Variants in HMCN2 observed in about 807,000 individuals in gnomAD.
HMCN2 encodes hemicentin-2.
Under a neutral mutation model 377.5 loss-of-function variants are expected in HMCN2, and 325 were observed. That is an observed-to-expected ratio of 0.86 (90% CI 0.79 to 0.94). The LOEUF (loss-of-function observed/expected upper bound fraction) is 0.94, where lower values mean the gene tolerates loss of function less well. Ranked by LOEUF, HMCN2 falls within the 40% of genes least tolerant of loss-of-function variation. The pLI is 0.00. For synonymous variants in HMCN2, 2,007 were observed against 2,046.8 expected, an observed-to-expected ratio of 0.98 and a Z score of 0.53; for missense variants, 4,543 against 4,725.3, an observed-to-expected ratio of 0.96 and a Z score of 1.13.
rs913922965 is a variant in HMCN2 at position 130,414,840 on chromosome 9, C to G, written c.12962-3932C>G. ...ATGTTGCCTAAGCCAGTCTCAAACT[C>G]CTGGGCTCAAATGATCCACCTGCCT... is the stretch of plus-strand genomic sequence containing the variant. On this transcript the variant is annotated intron_variant, in intron 85 of 97. Coordinates refer to ENST00000683500, the MANE Select transcript of HMCN2 (RefSeq NM_001291815.2). This position sits in a 1 kb window ranked among gnomAD's most constrained non-coding sequence, Gnocchi z 4.4. Among the ~76,000 whole-genome samples, 9 of 152,096 alleles carry G rather than the reference C, an allele frequency of 5.9e-5. No individual in the cohort carries two copies. The highest frequency in any genetic ancestry group is 1.9e-4 in the African/African-American group (8 of 41,414).
At chr9:130,419,342 G>A in intron 86 of HMCN2, 1 of 274,414 alleles carries the variant, frequency 3.6e-6, no homozygotes, top group Non-Finnish European at 6.8e-6. Context: ...GGCAGAGGAA[G>A]ACAAGGGCAT....
chr9:130,371,182 C>A, intron 46 of HMCN2, 51 bp downstream of exon 46: 1 of 958,710 alleles, frequency 1.0e-6, no homozygotes, highest in Non-Finnish European at 1.2e-6. Flanking sequence ...GGCTCTCTGC[C>A]TCTGACTCTA....
At chr9:130,401,024 T>C in intron 77 of HMCN2, 77 bp downstream of exon 77, 1 of 1,188,480 alleles carries the variant, frequency 8.4e-7, no homozygotes, top group South Asian at 1.4e-5. Flanking sequence ...AAAGGTCACA[T>C]GGCGGAATAG....
intron 1 of HMCN2, among the ~76,000 whole-genome samples, chr9:130,281,889 CA>C (rs782176109): frequency 0.019 from 1,097 of 58,906 alleles, 3 homozygotes; most frequent in Middle Eastern, 0.053. Context: ...GACTCCATCT[CA>C]AAAAAAAAAA....
rs935936493 is a variant in HMCN2 at position 130,403,213 on chromosome 9, G to A, written c.11898G>A (p.Pro3966=). The A allele has an allele frequency of 5.4e-6, 7 of 1,289,422 alleles. No homozygotes were observed. In the Admixed American group the frequency reaches 9.2e-5, roughly 17 times the overall value. 79.9% of individuals were successfully genotyped at this position (1,289,422 alleles called of 1,614,324 possible). A position where few individuals can be genotyped will look rare whatever the true frequency, so the allele number is the denominator to read the frequency against. ...TTGTAGCCTCCCCGGTGGTGAAGCCGCTGCCCAGCGTGGTTCGGGCAGTGG... is the reference window on the plus strand; with the variant it reads ...TTGTAGCCTCCCCGGTGGTGAAGCCACTGCCCAGCGTGGTTCGGGCAGTGG... The part of the protein sequence containing the change: ...LTVQASPVVK[P]LPSVVRAVAE... The change falls in exon 79 of 98, where the codon CCG becomes CCA. Residue 3966 remains proline, a synonymous_variant. Transcript: ENST00000683500.
intron 22 of HMCN2, among the ~76,000 whole-genome samples, chr9:130,329,425 T>G (rs1045853134): frequency 1.3e-5 from 2 of 149,960 alleles, no homozygotes; most frequent in African/African-American, 4.9e-5. Flanking sequence ...TTTTGGTGGC[T>G]GTGAATAGCC....
Position 130,393,619 on chromosome 9 carries a change from G to A in HMCN2, c.10235-123G>A. On this transcript the variant is annotated intron_variant, in intron 67 of 97. Transcript: ENST00000683500. The surrounding 1 kb of genome is among the most constrained non-coding windows in gnomAD (Gnocchi z 5.2). ...GAGGATGCTGTGGGAGCACAGAGGA[G>A]GGCACCTCACCTGGCCTTGGGGGAC... 1.2e-6 allele frequency: 1 copy of A among 861,168 alleles called. No individual in the cohort carries two copies. The highest frequency in any genetic ancestry group is 1.5e-6 in the Non-Finnish European group (1 of 652,314). 53.3% of individuals were successfully genotyped at this position (861,168 alleles called of 1,614,324 possible). A position where few individuals can be genotyped will look rare whatever the true frequency, so the allele number is the denominator to read the frequency against.
At position 130,393,890 on chromosome 9, in the gene HMCN2, C is replaced by T. The variant is rs1039015192; in HGVS notation, c.10383C>T (p.Leu3461=). The change falls in exon 68 of 98, where the codon CTC becomes CTT. Residue 3461 remains leucine, a synonymous_variant. Transcript: ENST00000683500. The surrounding 1 kb of genome is among the most constrained non-coding windows in gnomAD (Gnocchi z 5.2). ...GGGAACCCTTGTTGTCCCAGAGCCT[C>T]GAGCAGGGGCCCAGCCTGCAGCTGG... The part of the protein sequence containing the change: ...KDGEPLLSQS[L]EQGPSLQLEA... 254 of 1,289,468 alleles carry T rather than the reference C, an allele frequency of 2.0e-4. No homozygotes were observed. The highest frequency in any genetic ancestry group is 2.4e-4 in the Non-Finnish European group (239 of 988,798). The allele number at this position is 1,289,468 out of a possible 1,614,324, so 79.9% of individuals were successfully genotyped here.
At position 130,353,143 on chromosome 9, in the gene HMCN2, A is replaced by G; in HGVS notation, c.4802A>G (p.Tyr1601Cys). Reference sequence around the variant, plus strand: ...GCCCAGAGCTCCGATGCCGGCGTCTACACCTGCAAGGCCAGCAATGCTGTG... The same window carrying G: ...GCCCAGAGCTCCGATGCCGGCGTCTGCACCTGCAAGGCCAGCAATGCTGTG... ...GRAQSSDAGV[Y>C]TCKASNAVGA... Residue 1601 changes from tyrosine to cysteine, a missense_variant, in exon 31 of 98, where the codon TAC becomes TGC. Tyr to Cys is a radical substitution (Grantham distance 194, BLOSUM62 -2). This residue lies in a region of HMCN2 where 1,032 missense variants were observed against 1,285.1 expected (regional missense o/e 0.80). Coordinates refer to ENST00000683500, the MANE Select transcript of HMCN2 (RefSeq NM_001291815.2). 7.7e-7 allele frequency: 1 copy of G among 1,304,170 alleles called. No individual in the cohort carries two copies. 80.8% of individuals were successfully genotyped at this position (1,304,170 alleles called of 1,614,324 possible). A position where few individuals can be genotyped will look rare whatever the true frequency, so the allele number is the denominator to read the frequency against.
Position 130,358,393 on chromosome 9 carries a change from G to C in HMCN2, c.5584G>C (p.Glu1862Gln). Reference protein sequence around the residue: ...LAAFGGNLQIEKVDLRDEGIY... With the variant: ...LAAFGGNLQIQKVDLRDEGIY... ...CTCTCTGCCCCCTCCCCTCCAGATT[G>C]AGAAGGTGGACCTGAGGGACGAGGG... is the stretch of plus-strand genomic sequence containing the variant. Residue 1862 changes from glutamate to glutamine, a missense_variant, in exon 36 of 98, where the codon GAG (glutamate) becomes CAG (glutamine). Transcript: ENST00000683500. The C allele has an allele frequency of 7.7e-7, 1 of 1,304,144 alleles. No homozygotes were observed. Among genetic ancestry groups the C allele is most frequent in the Non-Finnish European group, 1.0e-6 (1 of 988,894 alleles). 80.8% of individuals were successfully genotyped at this position (1,304,144 alleles called of 1,614,324 possible).
intron 23 of HMCN2, among the ~76,000 whole-genome samples, chr9:130,338,952 G>T (rs1838905116): frequency 6.6e-6 from 1 of 152,198 alleles, no homozygotes; most frequent in Non-Finnish European, 1.5e-5. Context: ...ACTTTGGGAG[G>T]CCTAGGTGGG....
intron 17 of HMCN2, 81 bp downstream of exon 17, chr9:130,320,532 G>A (rs920572429): frequency 1.9e-4 from 29 of 152,424 alleles, no homozygotes; most frequent in Admixed American, 5.2e-4. Flanking sequence ...GGCCGTGGGC[G>A]CCTCCAGGGA....
rs372904141 is a variant in HMCN2 at position 130,310,017 on chromosome 9, A to G, written c.2306A>G (p.Asn769Ser). 9.4e-6 allele frequency: 5 copies of G among 533,964 alleles called. No homozygotes were observed. The highest frequency in any genetic ancestry group is 3.9e-5 in the African/African-American group (2 of 51,942). The allele number at this position is 533,964 out of a possible 1,614,324, so 33.1% of individuals were successfully genotyped here. Residue 769 changes from asparagine (N) to serine (S), a missense_variant, in exon 15 of 98, where the codon AAT (asparagine) becomes AGT (serine). Physicochemically the swap from Asn to Ser is conservative, Grantham distance 46. Around this residue, in one of 5 missense-constraint regions of HMCN2, gnomAD observed 547 missense variants for 189.9 expected, o/e 2.88. Transcript: ENST00000683500. ...DAGTYTCRAV[N>S]ELGDASAEIQ... ...GGCACCTACACCTGCCGGGCTGTCA[A>G]TGAGTTGGGTGACGCCTCTGCAGAA...
intron 25 of HMCN2, among the ~76,000 whole-genome samples, chr9:130,344,082 C>T (rs1400014859): frequency 6.6e-6 from 1 of 152,142 alleles, no homozygotes; most frequent in Admixed American, 6.5e-5. Context: ...CACAGAGCTT[C>T]AGGGCCGTCC....
chr9:130,339,098 A>G (rs1838914914), intron 23 of HMCN2, among the ~76,000 whole-genome samples: 1 of 152,190 alleles, frequency 6.6e-6, no homozygotes. Flanking sequence ...TGAGGTGGGA[A>G]GATAGCTTGA....
At chr9:130,398,150 C>CTA (rs1842697027) in intron 74 of HMCN2, among the ~76,000 whole-genome samples, 1 of 43,278 alleles carries the variant, frequency 2.3e-5, no homozygotes, top group Non-Finnish European at 3.3e-5. Context: ...AAGACTCCGT[C>CTA]TACAAAAAAA....
At chr9:130,404,792 C>G in intron 80 of HMCN2, 77 bp from the exon 81 acceptor site, 1 of 1,073,418 alleles carries the variant, frequency 9.3e-7, no homozygotes, top group Non-Finnish European at 1.2e-6. Flanking sequence ...AGGGCTGGGC[C>G]AAAGGCCAAG....
rs997379862 is a variant in HMCN2, at chr9:130,299,557, A to G, written c.1276+269A>G. 2.6e-5 allele frequency among the ~76,000 whole-genome samples: 4 copies of G among 152,116 alleles called. No individual in the cohort carries two copies. In the East Asian group the frequency reaches 7.7e-4, roughly 29 times the overall value. ...CATCCATCCATCCACCCATTCATTC[A>G]TGCACTGACCCATTCACTCACCCAC... On this transcript the variant is annotated intron_variant, in intron 8 of 97. Transcript: ENST00000683500.
chr9:130,420,738 A>C (rs1301034467), intron 86 of HMCN2, among the ~76,000 whole-genome samples: 1 of 152,070 alleles, frequency 6.6e-6, no homozygotes, highest in Non-Finnish European at 1.5e-5. Context: ...TTATAAGGAC[A>C]CAGTCATGTT....
Sources: allele counts gnomAD v4.1 joint callset (sites outside exome capture counted in the v4.1 genomes callset), GRCh38; gene constraint gnomAD v4.1.1; regional missense constraint gnomAD v4.1.1; non-coding constraint Gnocchi (gnomAD v3.1); transcripts MANE v1.5; gene names NCBI Gene and HGNC (gene_info 2026-07-23, HGNC 2026-07-21).